Variants in FAAH2 observed in about 807,000 individuals in gnomAD.
FAAH2 encodes fatty acid amide hydrolase 2, also known as fatty-acid amide hydrolase 2.
In FAAH2, 60 loss-of-function variants were observed where a neutral mutation model predicts 36.9. The observed-to-expected ratio is 1.63, with a 90% CI of 1.32 to 2.02. The LOEUF (loss-of-function observed/expected upper bound fraction) is 2.02, where lower values mean the gene tolerates loss of function less well. FAAH2 is among the 30% of genes most tolerant of loss of function. The probability of loss-of-function intolerance (pLI) is 0.00; values close to 1 mark genes in which losing one functional copy is unlikely to be tolerated. For missense variants in FAAH2, 689 were observed against 397.5 expected, an observed-to-expected ratio of 1.73 and a Z score of -6.23; for synonymous variants, 214 against 143.8, an observed-to-expected ratio of 1.49 and a Z score of -3.49.
At chrX:57,306,598 CCTT>C (rs770997590) in intron 2 of FAAH2, among the ~76,000 whole-genome samples, 1 of 106,865 alleles carries the variant, frequency 9.4e-6, no homozygotes, top group African/African-American at 3.4e-5. Context: ...CAACCCCAGT[CCTT>C]CTTTCTTTTA....
the FAAH2 span, among the ~76,000 whole-genome samples, chrX:57,130,722 C>G: frequency 2.7e-5 from 3 of 111,832 alleles, no homozygotes; most frequent in African/African-American, 6.5e-5. Flanking sequence ...GAATCATGCT[C>G]TCACTTTGTG....
intron 10 of FAAH2, among the ~76,000 whole-genome samples, chrX:57,455,036 A>G (rs955286949): frequency 9.0e-6 from 1 of 111,561 alleles, no homozygotes; most frequent in Non-Finnish European, 1.9e-5. Context: ...AAAAACTCTT[A>G]AAAGTAGCTA....
chrX:57,485,387 G>A (rs1269582687), intron 10 of FAAH2, among the ~76,000 whole-genome samples: 1 of 111,155 alleles, frequency 9.0e-6, no homozygotes. Flanking sequence ...AGGTGCACTG[G>A]TGACCTGGAG....
rs754131801 is a variant in FAAH2 at position 57,328,589 on chromosome X, C to T, written c.413-3009C>T. Among the ~76,000 whole-genome samples, 40 of 111,630 alleles carry T rather than the reference C, an allele frequency of 3.6e-4. 1 individual carries two copies. The South Asian group carries it at 0.015, about 42-fold the overall frequency. ...AGCCATCTCAGCCTGCTTAAGAATG[C>T]TTGCTTGAGAACTAGTGTGTTTGTG... On this transcript the variant is annotated intron_variant, in intron 3 of 10. Transcript: ENST00000374900.
At chrX:57,481,392 T>C (rs2057376173) in intron 10 of FAAH2, among the ~76,000 whole-genome samples, 1 of 111,899 alleles carries the variant, frequency 8.9e-6, no homozygotes, top group South Asian at 3.7e-4. Context: ...TTACCTTTGA[T>C]CTTTAAAGCT....
the FAAH2 span, among the ~76,000 whole-genome samples, chrX:57,213,708 G>GT: frequency 9.0e-6 from 1 of 111,562 alleles, no homozygotes; most frequent in Non-Finnish European, 1.9e-5. Context: ...TATGATTTTG[G>GT]TTTTTTTAAC....
intron 10 of FAAH2, among the ~76,000 whole-genome samples, chrX:57,466,150 C>CTATATATATATATATA (rs1448015750): frequency 1.3e-5 from 1 of 75,663 alleles, no homozygotes; most frequent in African/African-American, 6.0e-5. Flanking sequence ...CTCTCTCTCT[C>CTATATATATATATATA]TCTCTCTATA....
chrX:57,366,132 ATTTCT>A (rs757619119), intron 5 of FAAH2, among the ~76,000 whole-genome samples: 3 of 110,394 alleles, frequency 2.7e-5, no homozygotes, highest in Non-Finnish European at 3.8e-5. Context: ...TTCTTGCACT[ATTTCT>A]TTCTTTCTTT....
chrX:57,126,720 T>C, the FAAH2 span, among the ~76,000 whole-genome samples: 2,899 of 111,498 alleles, frequency 0.026, 86 homozygotes, highest in African/African-American at 0.09. Flanking sequence ...TCTAAGCTAG[T>C]CATGGTGATG....
At chrX:57,293,751 T>C (rs2052054113) in intron 2 of FAAH2, among the ~76,000 whole-genome samples, 1 of 111,300 alleles carries the variant, frequency 9.0e-6, no homozygotes, top group South Asian at 3.8e-4. Context: ...TATGAGGACA[T>C]AGATAAAGAC....
In FAAH2 at chrX:57,431,765, T is replaced by TTTTTTTTG. The variant is rs1379768733; in HGVS notation, c.997-148_997-147insTTGTTTTT. 4.8e-4 allele frequency among the ~76,000 whole-genome samples: 7 copies of TTTTTTTTG among 14,487 alleles called. No homozygotes were observed. The Non-Finnish European group carries it at 0.012, about 24-fold the overall frequency. 12.6% of individuals were successfully genotyped at this position (14,487 alleles called of 115,157 possible). A position where few individuals can be genotyped will look rare whatever the true frequency, so the allele number is the denominator to read the frequency against. ...TTGGGGTGTTTTGTTTTGTTTTTGTTTTTTTGTTTTTTTGTTTTTTTGTTT... is the reference window on the plus strand; with the variant it reads ...TTGGGGTGTTTTGTTTTGTTTTTGTTTTTTTTTGTTTTTGTTTTTTTGTTTTTTTGTTT... On this transcript the variant is annotated intron_variant, in intron 7 of 10. Transcript: ENST00000374900.
chrX:57,207,113 A>T, the FAAH2 span, among the ~76,000 whole-genome samples: 3 of 109,841 alleles, frequency 2.7e-5, no homozygotes, highest in African/African-American at 6.6e-5. Context: ...AACCTTGCAA[A>T]TTTTTTTCTA....
intron 5 of FAAH2, among the ~76,000 whole-genome samples, chrX:57,376,088 C>G (rs958183357): frequency 1.8e-5 from 2 of 111,246 alleles, no homozygotes; most frequent in Admixed American, 9.6e-5. Flanking sequence ...TATCTTAATC[C>G]TTGTGTCTAT....
rs150106528 is a variant in FAAH2 at position 57,417,802 on chromosome X, C to A, written c.997-14116C>A. Reference sequence around the variant, plus strand: ...TCTCTTCAGAGTCAGCAGGCAGGAACTTTTAAGTCTGCTGAAGCTGGGCCC... The same window carrying A: ...TCTCTTCAGAGTCAGCAGGCAGGAAATTTTAAGTCTGCTGAAGCTGGGCCC... On this transcript the variant is annotated intron_variant, in intron 7 of 10. Coordinates refer to ENST00000374900, the MANE Select transcript of FAAH2 (RefSeq NM_174912.4). Among the ~76,000 whole-genome samples, 1,058 of 112,080 alleles carry A rather than the reference C, an allele frequency of 9.4e-3. 43 individuals carry two copies. The highest frequency in any genetic ancestry group is 0.084 in the Admixed American group (883 of 10,547).
chrX:57,444,500 C>G (rs1282513730), intron 8 of FAAH2, among the ~76,000 whole-genome samples: 1 of 111,467 alleles, frequency 9.0e-6, no homozygotes, highest in Non-Finnish European at 1.9e-5. Context: ...TTCCAGGTAC[C>G]GTATGTCATG....
At chrX:57,123,455 A>G in the FAAH2 span, among the ~76,000 whole-genome samples, 1 of 112,386 alleles carries the variant, frequency 8.9e-6, no homozygotes, top group Non-Finnish European at 1.9e-5. Context: ...TAGTGCCGCA[A>G]TAAACGTATG....
chrX:57,424,676 C>G (rs1261157697), intron 7 of FAAH2, among the ~76,000 whole-genome samples: 2 of 111,921 alleles, frequency 1.8e-5, no homozygotes, highest in African/African-American at 6.5e-5. Context: ...AGAAGCAAAG[C>G]CAAACAACCC....
chrX:57,378,656 G>A lies in FAAH2; in HGVS notation c.748G>A (p.Val250Ile), dbSNP rs978726885. 3.3e-6 allele frequency: 4 copies of A among 1,211,097 alleles called. No homozygotes were observed. Among genetic ancestry groups the A allele is most frequent in the Non-Finnish European group, 2.2e-6 (2 of 895,115 alleles). Residue 250 changes from valine (V) to isoleucine (I), a missense_variant, in exon 6 of 11, where the codon GTT becomes ATT. Coordinates refer to ENST00000374900, the MANE Select transcript of FAAH2 (RefSeq NM_174912.4). ...CTGACTGTCTATCCTTTCAGGTGTG[G>A]TTCCCAACAAAGGTCAGTTTCCCTT... ...IFGHKPSPGV[V>I]PNKGQFPLAV...
At chrX:57,207,491 T>A in the FAAH2 span, among the ~76,000 whole-genome samples, 3 of 111,975 alleles carry the variant, frequency 2.7e-5, no homozygotes, top group African/African-American at 9.7e-5. Context: ...AGGACGTTTA[T>A]CAGTAATTTG....
Sources: allele counts gnomAD v4.1 joint callset (sites outside exome capture counted in the v4.1 genomes callset), GRCh38; gene constraint gnomAD v4.1.1; transcripts MANE v1.5; gene names NCBI Gene and HGNC (gene_info 2026-07-23, HGNC 2026-07-21).